The following SAMD12 variants were observed in gnomAD, a reference collection of about 807,000 sequenced individuals.
The protein encoded by SAMD12 is sterile alpha motif domain-containing protein 12.
Under a neutral mutation model 15.0 loss-of-function variants are expected in SAMD12, and 9 were observed. The ratio of observed to expected loss-of-function variants is 0.60; its 90% CI spans 0.36 to 1.05. The LOEUF (loss-of-function observed/expected upper bound fraction) is 1.05, where lower values mean the gene tolerates loss of function less well. Among genes scored for constraint, SAMD12 ranks in the 50% least tolerant of loss-of-function variants. The pLI, the probability that SAMD12 is intolerant of heterozygous loss-of-function variation, is 0.01. For synonymous variants in SAMD12, 86 were observed against 90.1 expected (o/e 0.96, Z 0.25); for missense variants, 230 against 234.2 (o/e 0.98, Z 0.12).
chr8:118,593,623 A>G (rs1827643051), intron 1 of SAMD12, among the ~76,000 whole-genome samples: 1 of 152,224 alleles, frequency 6.6e-6, no homozygotes, highest in Admixed American at 6.5e-5. Context: ...ATTATCACAT[A>G]AAGTCCTATT....
At chr8:118,566,703 A>G (rs1395564969) in intron 2 of SAMD12, among the ~76,000 whole-genome samples, 5 of 152,232 alleles carry the variant, frequency 3.3e-5, no homozygotes, top group Non-Finnish European at 7.3e-5. Flanking sequence ...AGACATAGGC[A>G]GATCCAAACC....
At chr8:118,293,702 C>A (rs939469759) in intron 4 of SAMD12, among the ~76,000 whole-genome samples, 1 of 152,076 alleles carries the variant, frequency 6.6e-6, no homozygotes, top group Non-Finnish European at 1.5e-5. Context: ...GCCAATACCC[C>A]CAATGTACAG....
chr8:118,261,502 A>T (rs1419716914), intron 4 of SAMD12, among the ~76,000 whole-genome samples: 1 of 152,264 alleles, frequency 6.6e-6, no homozygotes, highest in African/African-American at 2.4e-5. Flanking sequence ...AATATGACAC[A>T]TTAAATGATC....
chr8:118,401,009 A>C (rs1820842586), intron 3 of SAMD12, among the ~76,000 whole-genome samples: 2 of 152,238 alleles, frequency 1.3e-5, no homozygotes, highest in African/African-American at 2.4e-5. Context: ...AATAGCTTCA[A>C]AATGTGCCTA....
Position 118,212,919 on chromosome 8 carries a change from C to T in SAMD12, c.434-15187G>A, listed in dbSNP as rs912074546. Among the ~76,000 whole-genome samples the T allele has an allele frequency of 9.9e-5, 15 of 152,148 alleles. No individual in the cohort carries two copies. In the South Asian group the frequency reaches 1.5e-3, roughly 15 times the overall value. ...GTTGGATCTCAGATGCAATGAAATACGGTAAATGAAAGAGCATATATCATG... is the reference window on the plus strand; with the variant it reads ...GTTGGATCTCAGATGCAATGAAATATGGTAAATGAAAGAGCATATATCATG... On this transcript the variant is annotated intron_variant, in intron 4 of 4. Coordinates refer to the SAMD12 transcript ENST00000409003.
chr8:118,279,473 T>C (rs1813556319), intron 4 of SAMD12, among the ~76,000 whole-genome samples: 1 of 152,254 alleles, frequency 6.6e-6, no homozygotes, highest in South Asian at 2.1e-4. Context: ...CATCTTCTCA[T>C]TAATGTTTGT....
intron 1 of SAMD12, among the ~76,000 whole-genome samples, chr8:118,607,459 C>T (rs554539735): frequency 5.9e-5 from 9 of 152,302 alleles, no homozygotes; most frequent in South Asian, 2.1e-4. Context: ...TGGTCTTGAT[C>T]TCCCGACCTC....
chr8:118,402,591 T>A (rs946219038), intron 3 of SAMD12, among the ~76,000 whole-genome samples: 1 of 152,212 alleles, frequency 6.6e-6, no homozygotes, highest in Non-Finnish European at 1.5e-5. Context: ...CAACCTTTTA[T>A]CTATGGAATG....
At chr8:118,543,298 T>C (rs1293568431) in intron 2 of SAMD12, among the ~76,000 whole-genome samples, 1 of 152,212 alleles carries the variant, frequency 6.6e-6, no homozygotes, top group Non-Finnish European at 1.5e-5. Context: ...CCTCTTTGTG[T>C]ACAACTTCCA....
chr8:118,287,784 T>C (rs1012615717), intron 4 of SAMD12, among the ~76,000 whole-genome samples: 4 of 152,224 alleles, frequency 2.6e-5, no homozygotes, highest in Non-Finnish European at 5.9e-5. Context: ...CCCAGGGAGA[T>C]ATTGGCAAAG....
At chr8:118,551,499 C>T (rs1023153586) in intron 2 of SAMD12, among the ~76,000 whole-genome samples, 1 of 151,932 alleles carries the variant, frequency 6.6e-6, no homozygotes, top group East Asian at 1.9e-4. Context: ...ACACAACATA[C>T]CAGAATCTCT....
chr8:118,165,618 A>ATATG, the SAMD12 span, among the ~76,000 whole-genome samples: 5 of 63,638 alleles, frequency 7.9e-5, no homozygotes, highest in African/African-American at 3.1e-4. Flanking sequence ...ATATATGTAT[A>ATATG]TATATATATA....
In SAMD12 at chr8:118,438,420, A is replaced by AAT. The variant is rs199665663; in HGVS notation, c.322+1411_322+1412insAT. 4.6e-3 allele frequency among the ~76,000 whole-genome samples: 697 copies of AAT among 151,516 alleles called. 1 individual carries two copies. The highest frequency in any genetic ancestry group is 7.3e-3 in the Non-Finnish European group (498 of 67,846). On this transcript the variant is annotated intron_variant, in intron 3 of 3. Transcript: ENST00000314727. Reference sequence around the variant, plus strand: ...TTTAGTGCTTAAATGTTTAAAAAAAATTTTTTTTAATCAATCAAGTTTTCA... The same window carrying AAT: ...TTTAGTGCTTAAATGTTTAAAAAAAAATTTTTTTTTAATCAATCAAGTTTTCA...
At chr8:118,458,966 G>A (rs1443321005) in intron 2 of SAMD12, among the ~76,000 whole-genome samples, 1 of 151,656 alleles carries the variant, frequency 6.6e-6, no homozygotes, top group Non-Finnish European at 1.5e-5. Context: ...GTGTGTGTGT[G>A]TGTGTGTGTG....
At chr8:118,451,322 A>G (rs1466415574) in intron 2 of SAMD12, among the ~76,000 whole-genome samples, 1 of 152,210 alleles carries the variant, frequency 6.6e-6, no homozygotes, top group African/African-American at 2.4e-5. Flanking sequence ...ACCTGATCAA[A>G]GATGACTCTG....
chr8:118,531,366 G>T (rs1159501421), intron 2 of SAMD12, among the ~76,000 whole-genome samples: 1 of 152,174 alleles, frequency 6.6e-6, no homozygotes, highest in East Asian at 1.9e-4. Flanking sequence ...GTAGCGTGAT[G>T]CCTCCAGCTT....
chr8:118,582,587 C>T (rs1444814175), intron 1 of SAMD12, among the ~76,000 whole-genome samples: 1 of 152,160 alleles, frequency 6.6e-6, no homozygotes, highest in Non-Finnish European at 1.5e-5. Flanking sequence ...TTAGTTCATA[C>T]CTCCCTTTTG....
intron 4 of SAMD12, among the ~76,000 whole-genome samples, chr8:118,266,309 T>G (rs1310119628): frequency 6.6e-6 from 1 of 152,272 alleles, no homozygotes; most frequent in Non-Finnish European, 1.5e-5. Flanking sequence ...CTCATATCTG[T>G]CAGAATGGCT....
chr8:118,341,740 A>T (rs1023627671), intron 4 of SAMD12, among the ~76,000 whole-genome samples: 1 of 152,212 alleles, frequency 6.6e-6, no homozygotes, highest in Non-Finnish European at 1.5e-5. Flanking sequence ...TCAGATTGGG[A>T]TTAGTGTTTT....
Sources: gnomAD v4.1 joint callset for allele counts (sites outside exome capture counted in the v4.1 genomes callset) on GRCh38, gnomAD v4.1.1 for gene constraint, MANE v1.5 for transcripts, NCBI Gene and HGNC (gene_info 2026-07-23, HGNC 2026-07-21) for gene names.